UBE2O: variants seen among roughly 807,000 people sequenced by gnomAD.
UBE2O encodes (E3-independent) E2 ubiquitin-conjugating enzyme.
UBE2O carries 15 observed loss-of-function variants against 125.8 expected under a neutral mutation model. That is an observed-to-expected ratio of 0.12 (90% CI 0.08 to 0.18). The LOEUF (loss-of-function observed/expected upper bound fraction) is 0.18. UBE2O is among the 10% of genes least tolerant of loss of function. The pLI is 1.00. For missense variants in UBE2O, 1,280 were observed against 1,723.6 expected (o/e 0.74, Z 4.56); for synonymous variants, 708 against 703.2 (o/e 1.01, Z -0.11).
At chr17:76,429,541 CAAAAAAAAAA>C (rs61081315) in intron 1 of UBE2O, among the ~76,000 whole-genome samples, 1 of 71,808 alleles carries the variant, frequency 1.4e-5, no homozygotes, top group African/African-American at 5.7e-5. Flanking sequence ...GACTCTGTCT[CAAAAAAAAAA>C]AAAAAAAAAA....
In UBE2O at chr17:76,395,927, G is replaced by A. The variant is rs1463288506; in HGVS notation, c.2810-66C>T. On this transcript the variant is annotated intron_variant, in intron 14 of 17. Transcript: ENST00000319380. This position sits in a 1 kb window ranked among gnomAD's most constrained non-coding sequence, Gnocchi z 5.0. Reference sequence around the variant, plus strand: ...CCCTGGAGCTCCATCTGCCAACCTGGCTGGACAGGTGAGCACACCCACAGA... The same window carrying A: ...CCCTGGAGCTCCATCTGCCAACCTGACTGGACAGGTGAGCACACCCACAGA... The A allele has an allele frequency of 6.2e-7, 1 of 1,600,182 alleles. No individual in the cohort carries two copies. Among genetic ancestry groups the A allele is most frequent in the Admixed American group, 1.7e-5 (1 of 58,838 alleles).
Position 76,402,712 on chromosome 17 carries a change from G to A in UBE2O, c.589-13C>T, listed in dbSNP as rs773999310. 2 of 1,610,044 alleles carry A rather than the reference G, an allele frequency of 1.2e-6. No individual in the cohort carries two copies. Among genetic ancestry groups the A allele is most frequent in the African/African-American group, 2.7e-5 (2 of 74,924 alleles). The stretch of plus-strand genomic sequence containing the variant: ...CATACATGAAGGGCTGCAGACCAAG[G>A]AGGCAGGGGCAGTGAGACACAGCAG... On this transcript the variant is annotated splice_polypyrimidine_tract_variant and intron_variant, in intron 3 of 17. Transcript: ENST00000319380. The surrounding 1 kb of genome is among the most constrained non-coding windows in gnomAD (Gnocchi z 5.4).
intron 1 of UBE2O, among the ~76,000 whole-genome samples, chr17:76,421,920 ATC>A (rs1349715967): frequency 1.1e-4 from 17 of 152,328 alleles, no homozygotes; most frequent in African/African-American, 4.1e-4. Flanking sequence ...ACCAGACTGC[ATC>A]TGAGGACCCA....
chr17:76,445,831 G>A (rs1205543850), intron 1 of UBE2O, among the ~76,000 whole-genome samples: 1 of 152,192 alleles, frequency 6.6e-6, no homozygotes, highest in Non-Finnish European at 1.5e-5. Context: ...TCCTGACAGA[G>A]TCCCCCCGTG....
At chr17:76,430,343 AT>A (rs942332071) in intron 1 of UBE2O, 10 of 152,630 alleles carry the variant, frequency 6.6e-5, no homozygotes, top group South Asian at 2.0e-4. Flanking sequence ...CTAACCGAAG[AT>A]TTTTTTTTTC....
At chr17:76,397,918 G>C in intron 12 of UBE2O, 30 bp from the exon 13 acceptor site, 1 of 1,610,400 alleles carries the variant, frequency 6.2e-7, no homozygotes, top group South Asian at 1.1e-5. Context: ...AAGTCAGGGG[G>C]CCCAGCTCAA....
At chr17:76,425,470 T>C (rs189347672) in intron 1 of UBE2O, among the ~76,000 whole-genome samples, 10 of 152,210 alleles carry the variant, frequency 6.6e-5, no homozygotes. Flanking sequence ...TTTTTAGCTG[T>C]TTGAATATTT....
chr17:76,417,589 G>A (rs1047596691), intron 1 of UBE2O, among the ~76,000 whole-genome samples: 11 of 152,198 alleles, frequency 7.2e-5, no homozygotes, highest in Non-Finnish European at 1.6e-4. Flanking sequence ...CCAGTGATAA[G>A]AGGACATGGA....
At chr17:76,397,432 C>T (rs1321323460) in intron 13 of UBE2O, among the ~76,000 whole-genome samples, 1 of 152,236 alleles carries the variant, frequency 6.6e-6, no homozygotes, top group African/African-American at 2.4e-5. Flanking sequence ...GGTCGGCTCT[C>T]TCCTTTCTCT....
In UBE2O at chr17:76,400,249, C is replaced by T; in HGVS notation, c.1053G>A (p.Glu351=). ...CFDHAQRQLG[E]RCLYVFPAKV... is the part of the protein sequence containing the mutation. ...TGGCTGGGAAGACATACAGACAGCGCTCCCCAAGCTGCCGCTGAGCATGGT... is the reference window on the plus strand; with the variant it reads ...TGGCTGGGAAGACATACAGACAGCGTTCCCCAAGCTGCCGCTGAGCATGGT... The change falls in exon 8 of 18, where the codon GAG becomes GAA. Residue 351 remains glutamate (E), a synonymous_variant. Coordinates refer to ENST00000319380, the MANE Select transcript of UBE2O (RefSeq NM_022066.4). The surrounding 1 kb of genome is among the most constrained non-coding windows in gnomAD (Gnocchi z 4.3). 6.2e-7 allele frequency: 1 copy of T among 1,613,978 alleles called. No individual in the cohort carries two copies. The highest frequency in any genetic ancestry group is 8.5e-7 in the Non-Finnish European group (1 of 1,180,006).
rs1322690278 is a variant in UBE2O, at chr17:76,402,253, A to T, written c.687-126T>A. Reference sequence around the variant, plus strand: ...ACAATTCGTCTTCTACCATCAACTCAGCCCGAGGTAGTACAAGAAACTCTC... The same window carrying T: ...ACAATTCGTCTTCTACCATCAACTCTGCCCGAGGTAGTACAAGAAACTCTC... On this transcript the variant is annotated intron_variant, in intron 4 of 17. Transcript: ENST00000319380. This position sits in a 1 kb window ranked among gnomAD's most constrained non-coding sequence, Gnocchi z 5.4. 2 of 820,884 alleles carry T rather than the reference A, an allele frequency of 2.4e-6. No individual in the cohort carries two copies. Among genetic ancestry groups the T allele is most frequent in the Non-Finnish European group, 3.9e-6 (2 of 516,186 alleles). The allele number at this position is 820,884 out of a possible 1,614,324, so 50.9% of individuals were successfully genotyped here.
rs951016299 is a variant in UBE2O, at chr17:76,396,248, G to A, written c.2689C>T (p.Pro897Ser). 8.7e-6 allele frequency: 14 copies of A among 1,614,230 alleles called. No homozygotes were observed. The highest frequency in any genetic ancestry group is 1.1e-5 in the Non-Finnish European group (13 of 1,180,050). The stretch of plus-strand genomic sequence containing the variant: ...TCGCTGGGCCACTCAGCCTTCACAG[G>A]TGACTGCCCCTCGGGCTTGTCCTCC... ...RKEDKPEGQSPVKAEWPSETP... is the reference protein window; with the variant it reads ...RKEDKPEGQSSVKAEWPSETP... The change falls in exon 14 of 18, where the codon CCT (proline) becomes TCT (serine). Residue 897 changes from proline to serine, a missense_variant. Physicochemically the swap from Pro to Ser is moderately conservative, Grantham distance 74. Coordinates refer to ENST00000319380, the MANE Select transcript of UBE2O (RefSeq NM_022066.4). The surrounding 1 kb of genome is among the most constrained non-coding windows in gnomAD (Gnocchi z 6.7).
At chr17:76,438,680 T>C (rs1023780584) in intron 1 of UBE2O, among the ~76,000 whole-genome samples, 3 of 152,168 alleles carry the variant, frequency 2.0e-5, no homozygotes, top group African/African-American at 7.2e-5. Flanking sequence ...CTAAGTCAAA[T>C]TGAACATCAT....
intron 1 of UBE2O, among the ~76,000 whole-genome samples, chr17:76,421,092 A>C (rs2072703096): frequency 6.6e-6 from 1 of 152,190 alleles, no homozygotes; most frequent in South Asian, 2.1e-4. Flanking sequence ...AGGACTCAGC[A>C]CCACCCATTT....
At position 76,398,998 on chromosome 17, in the gene UBE2O, G is replaced by A; in HGVS notation, c.1629-7C>T. The stretch of plus-strand genomic sequence containing the variant: ...CACCACCTCCACTGCCACCCTGCGG[G>A]TGCAGGCCAGTCAGCAGGCCATGCA... On this transcript the variant is annotated splice_region_variant and splice_polypyrimidine_tract_variant and intron_variant, in intron 9 of 17. Transcript: ENST00000319380. The surrounding 1 kb of genome is among the most constrained non-coding windows in gnomAD (Gnocchi z 5.4). The A allele has an allele frequency of 1.9e-6, 3 of 1,613,238 alleles. No individual in the cohort carries two copies. Among genetic ancestry groups the A allele is most frequent in the African/African-American group, 1.3e-5 (1 of 75,058 alleles).
At chr17:76,409,966 G>T (rs1217747385) in intron 1 of UBE2O, among the ~76,000 whole-genome samples, 1 of 152,138 alleles carries the variant, frequency 6.6e-6, no homozygotes, top group African/African-American at 2.4e-5. Context: ...TTTTAAATGT[G>T]TGGTCAGGAA....
Position 76,399,007 on chromosome 17 carries a change from A to C in UBE2O, c.1629-16T>G. 6.2e-7 allele frequency: 1 copy of C among 1,612,660 alleles called. No individual in the cohort carries two copies. The highest frequency in any genetic ancestry group is 8.5e-7 in the Non-Finnish European group (1 of 1,179,462). On this transcript the variant is annotated splice_polypyrimidine_tract_variant and intron_variant, in intron 9 of 17. Transcript: ENST00000319380. The surrounding 1 kb of genome is among the most constrained non-coding windows in gnomAD (Gnocchi z 6.9). ...CACTGCCACCCTGCGGGTGCAGGCCAGTCAGCAGGCCATGCAAACCCCACC... is the reference window on the plus strand; with the variant it reads ...CACTGCCACCCTGCGGGTGCAGGCCCGTCAGCAGGCCATGCAAACCCCACC...
intron 1 of UBE2O, among the ~76,000 whole-genome samples, chr17:76,424,359 C>A (rs2072767313): frequency 6.6e-6 from 1 of 151,502 alleles, no homozygotes; most frequent in South Asian, 2.1e-4. Flanking sequence ...CAAGTGTGAG[C>A]CACCACACTC....
In UBE2O at chr17:76,435,637, C is replaced by T. The variant is rs115410915; in HGVS notation, c.417+17088G>A. Among the ~76,000 whole-genome samples, 690 of 152,308 alleles carry T rather than the reference C, an allele frequency of 4.5e-3. 6 individuals carry two copies. The highest frequency in any genetic ancestry group is 0.015 in the African/African-American group (612 of 41,556). ...GAGCCCTCTCGAAGGTGATCTCGTG[C>T]AATCCCCAGTAACTACAAGATTCTG... On this transcript the variant is annotated intron_variant, in intron 1 of 17. Transcript: ENST00000319380.
Sources: allele counts gnomAD v4.1 joint callset (sites outside exome capture counted in the v4.1 genomes callset), GRCh38; gene constraint gnomAD v4.1.1; non-coding constraint Gnocchi (gnomAD v3.1); transcripts MANE v1.5; gene names NCBI Gene and HGNC (gene_info 2026-07-23, HGNC 2026-07-21).